PCDH15: variants seen among roughly 807,000 people sequenced by gnomAD.
PCDH15 encodes the protein protocadherin-15.
PCDH15 carries 129 observed loss-of-function variants against 178.5 expected under a neutral mutation model. The ratio of observed to expected loss-of-function variants is 0.72; its 90% CI spans 0.63 to 0.84. The LOEUF (loss-of-function observed/expected upper bound fraction) is 0.84. Among genes scored for constraint, PCDH15 ranks in the 40% least tolerant of loss-of-function variants. The pLI, the probability that PCDH15 is intolerant of heterozygous loss-of-function variation, is 0.00. For missense variants in PCDH15, 2,230 were observed against 2,099.9 expected (o/e 1.06, Z -1.21); for synonymous variants, 800 against 732.0 (o/e 1.09, Z -1.50).
chr10:54,826,713 A>T (rs907804055), intron 3 of PCDH15, among the ~76,000 whole-genome samples: 8 of 151,986 alleles, frequency 5.3e-5, no homozygotes, highest in Non-Finnish European at 1.2e-4. Flanking sequence ...AAGCATGCCA[A>T]GACTCATTAT....
chr10:55,321,174 T>C (rs527780547), upstream of PCDH15, among the ~76,000 whole-genome samples: 16 of 151,988 alleles, frequency 1.1e-4, no homozygotes, highest in Non-Finnish European at 2.1e-4. Context: ...CTGATAGAGT[T>C]GAAAAACTCA....
intron 6 of PCDH15, among the ~76,000 whole-genome samples, chr10:54,336,641 C>A (rs751267644): frequency 3.3e-5 from 5 of 152,192 alleles, no homozygotes; most frequent in Admixed American, 6.5e-5. Context: ...ACCTAGATTT[C>A]AGAGGATGTA....
At chr10:54,909,149 G>A (rs1459923736) in intron 2 of PCDH15, among the ~76,000 whole-genome samples, 1 of 152,154 alleles carries the variant, frequency 6.6e-6, no homozygotes, top group Non-Finnish European at 1.5e-5. Flanking sequence ...TCTATGTGCT[G>A]TCATGGGTGG....
rs1223484172 is a variant in PCDH15, at chr10:54,399,723, G to A, written c.158-20781C>T. ...CCCAGCCCAAGAGAATCACCATGAG[G>A]AATGAGGAGACCTCAGCAGTAAGAC... On this transcript the variant is annotated intron_variant, in intron 3 of 37. Transcript: ENST00000644397. Among the ~76,000 whole-genome samples the A allele has an allele frequency of 2.0e-5, 3 of 152,082 alleles. No homozygotes were observed. In the East Asian group the frequency reaches 5.8e-4, roughly 29 times the overall value.
At chr10:54,606,193 T>G (rs1262245134) in intron 2 of PCDH15, 1 of 152,094 alleles carries the variant, frequency 6.6e-6, no homozygotes, top group Non-Finnish European at 1.5e-5. Context: ...TTGTAGCTAG[T>G]TGGTGAATGA....
intron 2 of PCDH15, among the ~76,000 whole-genome samples, chr10:54,609,504 C>A (rs1252761704): frequency 1.3e-5 from 2 of 152,096 alleles, no homozygotes; most frequent in African/African-American, 4.8e-5. Flanking sequence ...GAGAATATCT[C>A]TTAAGAATCA....
intron 3 of PCDH15, among the ~76,000 whole-genome samples, chr10:54,863,366 C>T (rs1023202208): frequency 6.6e-6 from 1 of 152,028 alleles, no homozygotes; most frequent in African/African-American, 2.4e-5. Context: ...CAAGGTGAAA[C>T]CCCGTCTCTA....
intron 2 of PCDH15, among the ~76,000 whole-genome samples, chr10:54,905,897 T>A (rs1164381012): frequency 1.3e-5 from 2 of 152,118 alleles, no homozygotes; most frequent in African/African-American, 2.4e-5. Context: ...CCGATTTACT[T>A]TCTAAATATG....
At chr10:55,531,795 G>A (rs993294313) in intron 2 of PCDH15, among the ~76,000 whole-genome samples, 1 of 152,000 alleles carries the variant, frequency 6.6e-6, no homozygotes, top group African/African-American at 2.4e-5. Flanking sequence ...TGCAACATAT[G>A]ACATCACCAG....
chr10:55,195,596 A>T (rs1179156390), intron 1 of PCDH15, among the ~76,000 whole-genome samples: 1 of 148,604 alleles, frequency 6.7e-6, no homozygotes, highest in Non-Finnish European at 1.5e-5. Flanking sequence ...CGGAGGATGT[A>T]GTGAGCTGAG....
chr10:53,839,445 T>A, intron 29 of PCDH15, among the ~76,000 whole-genome samples: 1 of 152,138 alleles, frequency 6.6e-6, no homozygotes, highest in East Asian at 1.9e-4. Context: ...TTTGTAAATG[T>A]GTATATGGAT....
chr10:54,835,132 A>AC (rs1344087932), intron 3 of PCDH15, among the ~76,000 whole-genome samples: 1 of 152,216 alleles, frequency 6.6e-6, no homozygotes. Flanking sequence ...TCACCCACTC[A>AC]ATAATAATAT....
intron 3 of PCDH15, among the ~76,000 whole-genome samples, chr10:54,426,702 A>G (rs1264701239): frequency 1.3e-5 from 2 of 152,086 alleles, no homozygotes; most frequent in Non-Finnish European, 2.9e-5. Flanking sequence ...AAAGTTGAAT[A>G]CACAGTCTCC....
chr10:55,298,305 T>C (rs901798205), intron 1 of PCDH15, among the ~76,000 whole-genome samples: 2 of 152,204 alleles, frequency 1.3e-5, no homozygotes, highest in Non-Finnish European at 2.9e-5. Context: ...GTTTACAAGA[T>C]TTTAAATTTA....
At chr10:55,557,376 T>C (rs980521270) in intron 2 of PCDH15, among the ~76,000 whole-genome samples, 3 of 152,150 alleles carry the variant, frequency 2.0e-5, no homozygotes, top group Non-Finnish European at 4.4e-5. Flanking sequence ...TATTAGGCTA[T>C]GTGATCAGAA....
intron 2 of PCDH15, among the ~76,000 whole-genome samples, chr10:54,576,074 A>G (rs530058574): frequency 6.6e-6 from 1 of 152,150 alleles, no homozygotes; most frequent in Admixed American, 6.5e-5. Flanking sequence ...AACAAGCTCT[A>G]TTCTTCTAAG....
chr10:55,406,632 G>A (rs1429502046), intron 2 of PCDH15, among the ~76,000 whole-genome samples: 1 of 152,052 alleles, frequency 6.6e-6, no homozygotes, highest in Non-Finnish European at 1.5e-5. Context: ...TTAAATTTGA[G>A]GCACTTTTTA....
Position 54,346,360 on chromosome 10 carries a change from C to A in PCDH15, c.594+5G>T, listed in dbSNP as rs770009225. On this transcript the variant is annotated splice_donor_5th_base_variant and intron_variant, in intron 6 of 37. Transcript: ENST00000644397. The stretch of plus-strand genomic sequence containing the variant: ...AAATTACATTGCAAATAGGTATTTA[C>A]ATACCGGATCATCTGGATTATACTG... 6.2e-7 allele frequency: 1 copy of A among 1,611,442 alleles called. No individual in the cohort carries two copies. Among genetic ancestry groups the A allele is most frequent in the Admixed American group, 1.7e-5 (1 of 60,014 alleles).
intron 2 of PCDH15, among the ~76,000 whole-genome samples, chr10:55,412,503 C>T (rs1479329817): frequency 6.6e-6 from 1 of 151,650 alleles, no homozygotes; most frequent in Non-Finnish European, 1.5e-5. Flanking sequence ...TGAGAGAAAT[C>T]TTAAAAGGAA....
Sources: gnomAD v4.1 joint callset for allele counts (sites outside exome capture counted in the v4.1 genomes callset) on GRCh38, gnomAD v4.1.1 for gene constraint, MANE v1.5 for transcripts, NCBI Gene and HGNC (gene_info 2026-07-23, HGNC 2026-07-21) for gene names.